Variants in CDH1 observed in about 807,000 individuals in gnomAD.
The protein encoded by CDH1 is cadherin-1.
CDH1 carries 35 observed loss-of-function variants against 84.5 expected under a neutral mutation model. The ratio of observed to expected loss-of-function variants is 0.41; its 90% CI spans 0.32 to 0.55. The LOEUF is 0.55. Ranked by LOEUF, CDH1 falls within the 20% of genes least tolerant of loss-of-function variation. The pLI is 0.19. For synonymous variants in CDH1, 417 were observed against 439.0 expected, an observed-to-expected ratio of 0.95 and a Z score of 0.63; for missense variants, 994 against 1,126.6, an observed-to-expected ratio of 0.88 and a Z score of 1.68.
intron 13 of CDH1, among the ~76,000 whole-genome samples, chr16:68,826,191 G>T (rs1961318580): frequency 6.6e-6 from 1 of 151,896 alleles, no homozygotes; most frequent in Non-Finnish European, 1.5e-5. Context: ...ATTTGCTATG[G>T]GTATGTATTT....
At position 68,737,494 on chromosome 16, in the gene CDH1, G is replaced by A. The variant is rs958145101; in HGVS notation, c.48+31G>A. 8.6e-6 allele frequency: 13 copies of A among 1,514,846 alleles called. No homozygotes were observed. In the East Asian group the frequency reaches 3.2e-4, roughly 38 times the overall value. 93.8% of individuals were successfully genotyped at this position (1,514,846 alleles called of 1,614,324 possible). On this transcript the variant is annotated intron_variant, in intron 1 of 15. Transcript: ENST00000261769. ...CCGGATCCCCTGACTTGCGAGGGACGCATTCGGGCCGCAAGCTCCGCGCCC... is the reference window on the plus strand; with the variant it reads ...CCGGATCCCCTGACTTGCGAGGGACACATTCGGGCCGCAAGCTCCGCGCCC...
intron 2 of CDH1, among the ~76,000 whole-genome samples, chr16:68,747,778 T>C (rs1237139706): frequency 6.6e-6 from 1 of 151,860 alleles, no homozygotes; most frequent in African/African-American, 2.4e-5. Flanking sequence ...ACACATATCT[T>C]CCTTAGACCG....
At position 68,737,444 on chromosome 16, in the gene CDH1, CGCTGCT is replaced by C. The variant is rs587782476; in HGVS notation, c.41_46del (p.Leu14_Leu15del). ...GGCCCTTGGAGCCGCAGCCTCTCGGCGCTGCTGCTGCTGCTGCAGGTACCCCGGATC... is the reference window on the plus strand; with the variant it reads ...GGCCCTTGGAGCCGCAGCCTCTCGGCGCTGCTGCTGCAGGTACCCCGGATC... On this transcript the variant is annotated inframe_deletion, in exon 1 of 16. Transcript: ENST00000261769. The C allele has an allele frequency of 6.7e-7, 1 of 1,489,852 alleles. No homozygotes were observed. Among genetic ancestry groups the C allele is most frequent in the Non-Finnish European group, 9.0e-7 (1 of 1,108,618 alleles). The allele number at this position is 1,489,852 out of a possible 1,614,324, so 92.3% of individuals were successfully genotyped here. A position where few individuals can be genotyped will look rare whatever the true frequency, so the allele number is the denominator to read the frequency against.
chr16:68,795,789 C>T (rs1960342750), intron 2 of CDH1, among the ~76,000 whole-genome samples: 1 of 151,772 alleles, frequency 6.6e-6, no homozygotes, highest in Non-Finnish European at 1.5e-5. Context: ...AGCCACCATG[C>T]CCAGCCAGTT....
intron 2 of CDH1, among the ~76,000 whole-genome samples, chr16:68,751,133 T>A (rs747728213): frequency 1.3e-5 from 2 of 152,172 alleles, no homozygotes; most frequent in Non-Finnish European, 2.9e-5. Context: ...TCAGAGTTGA[T>A]GGTTTTTAAA....
chr16:68,820,415 A>G (rs1250447267), intron 11 of CDH1, among the ~76,000 whole-genome samples: 3 of 149,538 alleles, frequency 2.0e-5, no homozygotes, highest in African/African-American at 7.4e-5. Context: ...CAGTGGTGCA[A>G]TCTTGGCTCA....
chr16:68,806,221 A>G (rs1049908721), intron 3 of CDH1, among the ~76,000 whole-genome samples: 1 of 151,272 alleles, frequency 6.6e-6, no homozygotes, highest in African/African-American at 2.4e-5. Flanking sequence ...GCATGATCTC[A>G]GCTCACTGCA....
At chr16:68,831,867 C>T (rs982314942) in intron 15 of CDH1, among the ~76,000 whole-genome samples, 16 of 152,088 alleles carry the variant, frequency 1.1e-4, no homozygotes, top group African/African-American at 3.9e-4. Context: ...CATCTGGATT[C>T]AGGCCTTTCC....
At chr16:68,788,806 G>C (rs1450752436) in intron 2 of CDH1, among the ~76,000 whole-genome samples, 1 of 152,014 alleles carries the variant, frequency 6.6e-6, no homozygotes, top group Non-Finnish European at 1.5e-5. Flanking sequence ...AGACCAGCCT[G>C]ACCAACATGG....
chr16:68,764,532 C>T (rs796392210), intron 2 of CDH1, among the ~76,000 whole-genome samples: 7 of 152,286 alleles, frequency 4.6e-5, no homozygotes, highest in South Asian at 2.1e-4. Flanking sequence ...ACTGAGATCA[C>T]GCCACTGCAC....
intron 11 of CDH1, among the ~76,000 whole-genome samples, chr16:68,819,912 A>T (rs1961095019): frequency 6.6e-6 from 1 of 152,106 alleles, no homozygotes; most frequent in Non-Finnish European, 1.5e-5. Context: ...TCAAAAATTC[A>T]AGTGGGCTGG....
chr16:68,811,627 T>A (rs111853286), intron 6 of CDH1, 57 bp from the exon 7 acceptor site: 1 of 1,496,462 alleles, frequency 6.7e-7, no homozygotes, highest in African/African-American at 1.4e-5. Context: ...TTAAGCAGTA[T>A]TGACCCAGTC....
At chr16:68,751,952 ATTTT>A (rs34163550) in intron 2 of CDH1, among the ~76,000 whole-genome samples, 2 of 125,716 alleles carry the variant, frequency 1.6e-5, no homozygotes, top group Non-Finnish European at 1.7e-5. Context: ...GTATTTTTGT[ATTTT>A]TTTTTTTTTT....
intron 2 of CDH1, among the ~76,000 whole-genome samples, chr16:68,798,895 A>C (rs961225597): frequency 1.3e-5 from 2 of 152,168 alleles, no homozygotes; most frequent in Non-Finnish European, 2.9e-5. Flanking sequence ...TTTCTTCTTG[A>C]TTCTTTCATC....
At chr16:68,745,340 AGCCAGGTATGGTGGCGT>A (rs749791238) in intron 2 of CDH1, among the ~76,000 whole-genome samples, 358 of 151,196 alleles carry the variant, frequency 2.4e-3, no homozygotes, top group South Asian at 4.6e-3. Context: ...AAAAAAATTT[AGCCAGGTATGGTGGCGT>A]GCACCTGTGG....
intron 2 of CDH1, among the ~76,000 whole-genome samples, chr16:68,755,282 C>CCAAAAAAA (rs1962989559): frequency 1.0e-5 from 1 of 96,054 alleles, no homozygotes; most frequent in Non-Finnish European, 2.1e-5. Flanking sequence ...GACTCTGTCT[C>CCAAAAAAA]AAAAAAAAAA....
chr16:68,826,997 G>A (rs745739096), intron 13 of CDH1, among the ~76,000 whole-genome samples: 4 of 152,278 alleles, frequency 2.6e-5, no homozygotes, highest in African/African-American at 4.8e-5. Flanking sequence ...TCGGCCGGGC[G>A]TGGTGGCTCA....
At chr16:68,745,621 A>ATGTG (rs2152116476) in intron 2 of CDH1, among the ~76,000 whole-genome samples, 4 of 120,440 alleles carry the variant, frequency 3.3e-5, no homozygotes, top group Admixed American at 7.9e-5. Flanking sequence ...ATATATATAT[A>ATGTG]TATATGTATA....
chr16:68,815,398 A>G (rs1357989495), intron 9 of CDH1, 117 bp from the exon 10 acceptor site: 2 of 1,330,782 alleles, frequency 1.5e-6, no homozygotes, highest in East Asian at 2.5e-5. Context: ...CAGAAACCAC[A>G]GTTACTTTTG....
Sources: gnomAD v4.1 joint callset for allele counts (sites outside exome capture counted in the v4.1 genomes callset) on GRCh38, gnomAD v4.1.1 for gene constraint, MANE v1.5 for transcripts, NCBI Gene and HGNC (gene_info 2026-07-23, HGNC 2026-07-21) for gene names.